ABHD17C: variants seen among roughly 807,000 people sequenced by gnomAD.
The protein encoded by ABHD17C is alpha/beta hydrolase domain-containing protein 17C.
A neutral mutation model predicts 27.9 loss-of-function variants in ABHD17C; 11 were observed. That is an observed-to-expected ratio of 0.39 (90% CI 0.25 to 0.65). The LOEUF (loss-of-function observed/expected upper bound fraction) is 0.65, where lower values mean the gene tolerates loss of function less well. Among genes scored for constraint, ABHD17C ranks in the 30% least tolerant of loss-of-function variants. The probability of loss-of-function intolerance (pLI) is 0.45; values close to 1 mark genes in which losing one functional copy is unlikely to be tolerated. For synonymous variants in ABHD17C, 233 were observed against 209.1 expected (o/e 1.11, Z -0.98); for missense variants, 280 against 470.2 (o/e 0.60, Z 3.74).
chr15:80,704,643 T>C (rs1269819607), intron 1 of ABHD17C: 1 of 151,862 alleles, frequency 6.6e-6, no homozygotes. Flanking sequence ...AAGGGGCCTG[T>C]GGCTGGGTGA....
chr15:80,731,161 C>T (rs965789320), intron 1 of ABHD17C, among the ~76,000 whole-genome samples: 28 of 152,120 alleles, frequency 1.8e-4, no homozygotes, highest in African/African-American at 4.3e-4. Context: ...CCTTGACAGA[C>T]GGGTGGGGGT....
At chr15:80,726,740 T>G (rs1022659109) in intron 1 of ABHD17C, among the ~76,000 whole-genome samples, 4 of 152,140 alleles carry the variant, frequency 2.6e-5, no homozygotes, top group Non-Finnish European at 5.9e-5. Context: ...TTAGTCAGGA[T>G]GGTCTCGATC....
At chr15:80,696,099 C>G (rs1016601973) in intron 1 of ABHD17C, 80 bp downstream of exon 1, 27 of 1,400,682 alleles carry the variant, frequency 1.9e-5, no homozygotes, top group Non-Finnish European at 2.6e-5. Flanking sequence ...CCTGGGGCGG[C>G]CTGCCAGGAG....
intron 1 of ABHD17C, among the ~76,000 whole-genome samples, chr15:80,726,278 G>A (rs1205636479): frequency 7.2e-5 from 11 of 152,274 alleles, no homozygotes; most frequent in Admixed American, 7.2e-4. Context: ...TCCAGCTTGG[G>A]TGTTAGGGCC....
chr15:80,701,097 G>A (rs182629810), intron 1 of ABHD17C, among the ~76,000 whole-genome samples: 19 of 152,152 alleles, frequency 1.2e-4, no homozygotes, highest in Admixed American at 7.2e-4. Flanking sequence ...CTTTTGTGTC[G>A]GTGATTCACA....
intron 1 of ABHD17C, among the ~76,000 whole-genome samples, chr15:80,710,858 T>A (rs1381208092): frequency 6.6e-6 from 1 of 152,118 alleles, no homozygotes; most frequent in Non-Finnish European, 1.5e-5. Flanking sequence ...ATTACAGGCA[T>A]GAGCCACCGT....
intron 1 of ABHD17C, among the ~76,000 whole-genome samples, chr15:80,733,497 T>A (rs1014939664): frequency 6.6e-6 from 1 of 152,158 alleles, no homozygotes; most frequent in Non-Finnish European, 1.5e-5. Flanking sequence ...AATACTCTTA[T>A]TGCCCAGACC....
intron 2 of ABHD17C, among the ~76,000 whole-genome samples, chr15:80,752,400 A>G (rs1365366804): frequency 6.6e-6 from 1 of 152,166 alleles, no homozygotes; most frequent in Admixed American, 6.6e-5. Context: ...TAAAGGCTAG[A>G]TGACAGTTGT....
chr15:80,742,574 A>G (rs978235044), intron 1 of ABHD17C, among the ~76,000 whole-genome samples: 28 of 152,184 alleles, frequency 1.8e-4, no homozygotes, highest in Non-Finnish European at 2.8e-4. Flanking sequence ...ACCCTCACAG[A>G]CACACCCAGA....
intron 1 of ABHD17C, 121 bp downstream of exon 1, chr15:80,696,140 C>A: frequency 9.5e-7 from 1 of 1,054,430 alleles, no homozygotes; most frequent in Non-Finnish European, 1.3e-6. Flanking sequence ...TGAGGGCCAG[C>A]GGAGAGCCCC....
intron 1 of ABHD17C, among the ~76,000 whole-genome samples, chr15:80,745,826 A>G (rs1414107811): frequency 1.3e-5 from 2 of 152,236 alleles, no homozygotes; most frequent in Non-Finnish European, 2.9e-5. Flanking sequence ...ATTCTACAGC[A>G]CAACCATACC....
At chr15:80,729,973 G>T (rs1050922868) in intron 1 of ABHD17C, among the ~76,000 whole-genome samples, 1 of 152,108 alleles carries the variant, frequency 6.6e-6, no homozygotes, top group Non-Finnish European at 1.5e-5. Context: ...ACAAAAATTA[G>T]CCAGGCTTGG....
chr15:80,726,297 C>T (rs1022457100), intron 1 of ABHD17C, among the ~76,000 whole-genome samples: 1 of 152,182 alleles, frequency 6.6e-6, no homozygotes, highest in Non-Finnish European at 1.5e-5. Flanking sequence ...CCACCATGAA[C>T]ATGTTACAGT....
chr15:80,695,657 C>A lies in ABHD17C; in HGVS notation c.228C>A (p.Pro76=). ...AAAAQPAPQQ[P]EEGAGAGPGA... ...CGGCCCAGCCGGCACCGCAGCAGCCCGAGGAGGGCGCGGGCGCGGGGCCCG... is the reference window on the plus strand; with the variant it reads ...CGGCCCAGCCGGCACCGCAGCAGCCAGAGGAGGGCGCGGGCGCGGGGCCCG... The change falls in exon 1 of 3, where the codon CCC becomes CCA. Residue 76 remains proline (P), a synonymous_variant. Transcript: ENST00000258884. This position sits in a 1 kb window ranked among gnomAD's most constrained non-coding sequence, Gnocchi z 4.3. 1 of 1,414,846 alleles carries A rather than the reference C, an allele frequency of 7.1e-7. No homozygotes were observed. The highest frequency in any genetic ancestry group is 9.1e-7 in the Non-Finnish European group (1 of 1,094,478). The allele number at this position is 1,414,846 out of a possible 1,614,324, so 87.6% of individuals were successfully genotyped here. A position where few individuals can be genotyped will look rare whatever the true frequency, so the allele number is the denominator to read the frequency against.
intron 1 of ABHD17C, among the ~76,000 whole-genome samples, chr15:80,714,394 T>G (rs951279041): frequency 6.6e-5 from 10 of 152,212 alleles, no homozygotes; most frequent in Admixed American, 6.5e-4. Context: ...AGGCACAAAC[T>G]GTTGTTGTCT....
chr15:80,738,225 T>A (rs1895160700), intron 1 of ABHD17C, among the ~76,000 whole-genome samples: 1 of 152,104 alleles, frequency 6.6e-6, no homozygotes, highest in East Asian at 1.9e-4. Context: ...CAGCAATGGA[T>A]TGACACCAGG....
chr15:80,714,920 G>C (rs1332473492), intron 1 of ABHD17C, among the ~76,000 whole-genome samples: 1 of 152,242 alleles, frequency 6.6e-6, no homozygotes, highest in East Asian at 1.9e-4. Flanking sequence ...TTGAGTACTT[G>C]ATATATGTCA....
At chr15:80,696,776 G>C (rs1389262248) in intron 1 of ABHD17C, among the ~76,000 whole-genome samples, 1 of 152,180 alleles carries the variant, frequency 6.6e-6, no homozygotes, top group Admixed American at 6.5e-5. Context: ...CAAACTGGGG[G>C]CATGGTTTAG....
At chr15:80,748,464 C>T (rs113715798) in intron 1 of ABHD17C, among the ~76,000 whole-genome samples, 286 of 152,190 alleles carry the variant, frequency 1.9e-3, no homozygotes, top group African/African-American at 6.7e-3. Flanking sequence ...TTTTGCCTAT[C>T]GTTTGGGTAT....
Sources: allele counts gnomAD v4.1 joint callset (sites outside exome capture counted in the v4.1 genomes callset), GRCh38; gene constraint gnomAD v4.1.1; non-coding constraint Gnocchi (gnomAD v3.1); transcripts MANE v1.5; gene names NCBI Gene and HGNC (gene_info 2026-07-23, HGNC 2026-07-21).